Variants in ABCG2 observed in about 807,000 individuals in gnomAD.
The protein encoded by ABCG2 is ATP binding cassette subfamily G member 2 (JR blood group).
In ABCG2, 80 loss-of-function variants were observed where a neutral mutation model predicts 73.5. The observed-to-expected ratio is 1.09, with a 90% CI of 0.91 to 1.31. The LOEUF (loss-of-function observed/expected upper bound fraction) is 1.31, where lower values mean the gene tolerates loss of function less well. Ranked by LOEUF, ABCG2 falls within the 50% of genes most tolerant of loss-of-function variation. The pLI, the probability that ABCG2 is intolerant of heterozygous loss-of-function variation, is 0.00. For missense variants in ABCG2, 796 were observed against 786.2 expected, an observed-to-expected ratio of 1.01 and a Z score of -0.15; for synonymous variants, 269 against 282.4, an observed-to-expected ratio of 0.95 and a Z score of 0.48.
rs947436297 is a variant in ABCG2, at chr4:88,097,575, T to C, written c.1525A>G (p.Met509Val). Reference sequence around the variant, plus strand: ...GCCACCATCATAAGGGTAAACATCATAACGAAGAAGGCATCTGCCTTTGGC... The same window carrying C: ...GCCACCATCATAAGGGTAAACATCACAACGAAGAAGGCATCTGCCTTTGGC... Reference protein sequence around the residue: ...LKPKADAFFVMMFTLMMVAYS... With the variant: ...LKPKADAFFVVMFTLMMVAYS... The change falls in exon 13 of 16, where the codon ATG (methionine) becomes GTG (valine). Residue 509 changes from methionine to valine, a missense_variant. Met to Val is a conservative substitution (Grantham distance 21, BLOSUM62 1). Transcript: ENST00000237612. 1 of 1,614,088 alleles carries C rather than the reference T, an allele frequency of 6.2e-7. No individual in the cohort carries two copies. Among genetic ancestry groups the C allele is most frequent in the Non-Finnish European group, 8.5e-7 (1 of 1,179,980 alleles).
intron 1 of ABCG2, among the ~76,000 whole-genome samples, chr4:88,197,734 GT>G (rs1358994800): frequency 6.6e-6 from 1 of 151,968 alleles, no homozygotes; most frequent in African/African-American, 2.4e-5. Flanking sequence ...GGGACCTGGG[GT>G]TTGAGGCTAG....
intron 1 of ABCG2, among the ~76,000 whole-genome samples, chr4:88,203,491 C>A (rs1729258074): frequency 1.3e-5 from 2 of 152,144 alleles, no homozygotes; most frequent in Non-Finnish European, 2.9e-5. Context: ...TAAACTCAGG[C>A]CAGGCGCGGT....
chr4:88,169,574 A>G (rs1047721943), intron 1 of ABCG2, among the ~76,000 whole-genome samples: 2 of 152,068 alleles, frequency 1.3e-5, no homozygotes, highest in African/African-American at 2.4e-5. Flanking sequence ...GGTCAGTTAA[A>G]CCCATCATCC....
chr4:88,095,411 G>T, intron 14 of ABCG2, 109 bp downstream of exon 14: 1 of 986,528 alleles, frequency 1.0e-6, no homozygotes, highest in African/African-American at 1.6e-5. Context: ...GGGAGTTTCT[G>T]GATGGGAGAC....
At chr4:88,133,529 C>T (rs776224558) in intron 2 of ABCG2, among the ~76,000 whole-genome samples, 1 of 152,116 alleles carries the variant, frequency 6.6e-6, no homozygotes, top group African/African-American at 2.4e-5. Flanking sequence ...AGACGTGGTA[C>T]ATACATAAGC....
chr4:88,226,593 C>A (rs1254678554), intron 1 of ABCG2: 1 of 152,158 alleles, frequency 6.6e-6, no homozygotes, highest in Non-Finnish European at 1.5e-5. Flanking sequence ...TATTATTATT[C>A]TCATTTTATA....
At position 88,118,196 on chromosome 4, in the gene ABCG2, A is replaced by G. The variant is rs1464600397; in HGVS notation, c.754T>C (p.Leu252=). 2 of 1,614,124 alleles carry G rather than the reference A, an allele frequency of 1.2e-6. No homozygotes were observed. Among genetic ancestry groups the G allele is most frequent in the South Asian group, 2.2e-5 (2 of 91,074 alleles). The part of the protein sequence containing the change: ...IHQPRYSIFK[L]FDSLTLLASG... ...GCCAATAAGGTGAGGCTATCAAACA[A>G]CTTGAAGATGGAATATCGAGGCTGA... Residue 252 remains leucine, a synonymous_variant, in exon 7 of 16, where the codon TTG becomes CTG. Transcript: ENST00000237612.
chr4:88,113,643 C>CTA, intron 8 of ABCG2, 90 bp from the exon 9 acceptor site: 1 of 1,477,590 alleles, frequency 6.8e-7, no homozygotes, highest in Non-Finnish European at 9.1e-7. Context: ...GGATGCTTCC[C>CTA]TAACACCTTC....
At chr4:88,127,864 T>C (rs1023344855) in intron 5 of ABCG2, among the ~76,000 whole-genome samples, 3 of 150,318 alleles carry the variant, frequency 2.0e-5, no homozygotes, top group African/African-American at 7.4e-5. Context: ...AAAGACTTCA[T>C]GACTAAAACA....
intron 6 of ABCG2, 89 bp downstream of exon 6, chr4:88,121,546 G>T: frequency 8.2e-7 from 1 of 1,212,732 alleles, no homozygotes; most frequent in Non-Finnish European, 1.1e-6. Flanking sequence ...AAATTACTTT[G>T]ATCATTTCTG....
In ABCG2 at chr4:88,131,074, A is replaced by G; in HGVS notation, c.518T>C (p.Val173Ala). Reference sequence around the variant, plus strand: ...TTTCCACATTACCTTGGAGTCTGCCACTTTATCCAGACCTAACTCTTGAAT... The same window carrying G: ...TTTCCACATTACCTTGGAGTCTGCCGCTTTATCCAGACCTAACTCTTGAAT... ...RVIQELGLDK[V>A]ADSKVGTQFI... The change falls in exon 5 of 16, where the codon GTG (valine) becomes GCG (alanine). Residue 173 changes from valine (V) to alanine (A), a missense_variant. Val to Ala is a moderately conservative substitution (Grantham distance 64, BLOSUM62 0). Coordinates refer to ENST00000237612, the MANE Select transcript of ABCG2 (RefSeq NM_004827.3). 6.2e-7 allele frequency: 1 copy of G among 1,614,034 alleles called. No individual in the cohort carries two copies.
chr4:88,190,209 G>T (rs1011791212), intron 1 of ABCG2, among the ~76,000 whole-genome samples: 2 of 152,036 alleles, frequency 1.3e-5, no homozygotes, highest in African/African-American at 4.8e-5. Context: ...TGTTTTTATA[G>T]AGTTCAGAGT....
rs1560706245 is a variant in ABCG2 at position 88,139,908 on chromosome 4, C to T, written c.88G>A (p.Ala30Thr). The change falls in exon 2 of 16, where the codon GCA (alanine) becomes ACA (threonine). Residue 30 changes from alanine to threonine, a missense_variant. By Grantham distance (58) the Ala-to-Thr change is moderately conservative (BLOSUM62 0). Transcript: ENST00000237612. ...CTTAACACAGCTCCTTCAGTAAATG[C>T]CTTCAGGTCATTGGAAGCTGTCGCG... ...FPATASNDLK[A>T]FTEGAVLSFH... 2 of 1,614,114 alleles carry T rather than the reference C, an allele frequency of 1.2e-6. No individual in the cohort carries two copies. The highest frequency in any genetic ancestry group is 1.7e-5 in the Admixed American group (1 of 60,020).
intron 1 of ABCG2, chr4:88,220,589 A>G (rs1729980250): frequency 6.5e-6 from 1 of 152,842 alleles, no homozygotes; most frequent in Admixed American, 6.5e-5. Context: ...TTCCTCCTGA[A>G]GGAGCATCCT....
At chr4:88,146,701 G>A (rs996864384) in intron 1 of ABCG2, among the ~76,000 whole-genome samples, 1 of 151,952 alleles carries the variant, frequency 6.6e-6, no homozygotes, top group Non-Finnish European at 1.5e-5. Context: ...GCTAAAACCT[G>A]TTAATTTTTA....
intron 1 of ABCG2, among the ~76,000 whole-genome samples, chr4:88,212,792 C>A (rs917640127): frequency 6.6e-6 from 1 of 152,186 alleles, no homozygotes; most frequent in South Asian, 2.1e-4. Flanking sequence ...GGCAAAACCA[C>A]AAACCCTACT....
intron 1 of ABCG2, among the ~76,000 whole-genome samples, chr4:88,144,030 T>G (rs1378570598): frequency 6.6e-6 from 1 of 152,208 alleles, no homozygotes; most frequent in Non-Finnish European, 1.5e-5. Context: ...TTTCTGGACA[T>G]GTGTGCTGAT....
Position 88,171,889 on chromosome 4 carries a change from C to A in ABCG2, c.-19-31875G>T, listed in dbSNP as rs540211931. ...ATCCCAGCTACTCAGAAGGTCGAAG[C>A]AGGAGGATCACTTGAGGCCAAAGGA... On this transcript the variant is annotated intron_variant, in intron 1 of 15. Coordinates refer to the ABCG2 transcript ENST00000515655. Among the ~76,000 whole-genome samples, 4 of 152,252 alleles carry A rather than the reference C, an allele frequency of 2.6e-5. No individual in the cohort carries two copies. In the South Asian group the frequency reaches 8.3e-4, roughly 32 times the overall value.
At chr4:88,190,288 C>G (rs1383871536) in intron 1 of ABCG2, among the ~76,000 whole-genome samples, 1 of 152,118 alleles carries the variant, frequency 6.6e-6, no homozygotes, top group East Asian at 1.9e-4. Context: ...CTAGTGCTAT[C>G]AGGAAATACT....
Sources: allele counts gnomAD v4.1 joint callset (sites outside exome capture counted in the v4.1 genomes callset), GRCh38; gene constraint gnomAD v4.1.1; transcripts MANE v1.5; gene names NCBI Gene and HGNC (gene_info 2026-07-23, HGNC 2026-07-21).